The following TNIK variants were observed in gnomAD, a reference collection of about 807,000 sequenced individuals.
TNIK encodes the protein TRAF2 and NCK-interacting protein kinase.
In TNIK, 49 loss-of-function variants were observed where a neutral mutation model predicts 191.3. The ratio of observed to expected loss-of-function variants is 0.26; its 90% CI spans 0.20 to 0.32. The LOEUF (loss-of-function observed/expected upper bound fraction) is 0.32, where lower values mean the gene tolerates loss of function less well. Among genes scored for constraint, TNIK ranks in the 10% least tolerant of loss-of-function variants. The probability of loss-of-function intolerance (pLI) is 1.00; values close to 1 mark genes in which losing one functional copy is unlikely to be tolerated. For synonymous variants in TNIK, 594 were observed against 600.9 expected (o/e 0.99, Z 0.17); for missense variants, 1,155 against 1,702.3 (o/e 0.68, Z 5.66).
At chr3:171,410,786 A>G (rs1206758085) in intron 1 of TNIK, among the ~76,000 whole-genome samples, 1 of 150,530 alleles carries the variant, frequency 6.6e-6, no homozygotes, top group Non-Finnish European at 1.5e-5. Context: ...CTCAAAAAAA[A>G]AAAAAAAAAA....
intron 1 of TNIK, among the ~76,000 whole-genome samples, chr3:171,430,457 T>C (rs113509079): frequency 2.0e-5 from 3 of 151,538 alleles, no homozygotes; most frequent in African/African-American, 4.8e-5. Context: ...CTGGGCAACA[T>C]AGGGAGGGTC....
At chr3:171,459,561 T>TAA (rs1185920725) in intron 1 of TNIK, among the ~76,000 whole-genome samples, 1 of 152,102 alleles carries the variant, frequency 6.6e-6, no homozygotes, top group Admixed American at 6.5e-5. Flanking sequence ...CAATGTCATC[T>TAA]TGCAGGTAGC....
At chr3:171,240,551 T>C (rs1436633903) in intron 2 of TNIK, among the ~76,000 whole-genome samples, 3 of 151,960 alleles carry the variant, frequency 2.0e-5, no homozygotes, top group African/African-American at 7.3e-5. Flanking sequence ...CTTCTCCTAC[T>C]ATTCCCCCCC....
intron 31 of TNIK, 53 bp downstream of exon 31, chr3:171,066,523 C>G: frequency 7.5e-7 from 1 of 1,338,864 alleles, no homozygotes; most frequent in East Asian, 2.7e-5. Flanking sequence ...TCTTGATTTT[C>G]GTTTCATTTG....
At chr3:171,212,180 C>T (rs1339035510) in intron 3 of TNIK, among the ~76,000 whole-genome samples, 1 of 152,074 alleles carries the variant, frequency 6.6e-6, no homozygotes, top group Non-Finnish European at 1.5e-5. Context: ...TGTCTGTACC[C>T]TCCTCCACTC....
At chr3:171,231,458 T>C (rs1743633184) in intron 2 of TNIK, among the ~76,000 whole-genome samples, 1 of 152,010 alleles carries the variant, frequency 6.6e-6, no homozygotes. Flanking sequence ...AACTGAAAAA[T>C]ACACCTTGGG....
intron 18 of TNIK, 122 bp from the exon 19 acceptor site, chr3:171,110,999 A>G (rs1725770349): frequency 2.0e-6 from 2 of 978,584 alleles, no homozygotes; most frequent in Admixed American, 6.9e-5. Flanking sequence ...CAATAGCAAG[A>G]AAACGAATAA....
chr3:171,272,443 G>A (rs565266945), intron 2 of TNIK, among the ~76,000 whole-genome samples: 3 of 152,310 alleles, frequency 2.0e-5, no homozygotes, highest in South Asian at 4.2e-4. Context: ...CGTACACATC[G>A]AGACAGTTGG....
chr3:171,282,334 G>GGTTTTTTT (rs1553878294), intron 2 of TNIK, among the ~76,000 whole-genome samples: 8 of 114,524 alleles, frequency 7.0e-5, no homozygotes, highest in African/African-American at 2.8e-4. Context: ...TCTCTTAATG[G>GGTTTTTTT]TTTTTTGTTT....
At position 171,107,508 on chromosome 3, in the gene TNIK, T is replaced by C. The variant is rs185170848; in HGVS notation, c.2383-302A>G. The stretch of plus-strand genomic sequence containing the variant: ...TTCATCCCAAATTAATTTTCAACTT[T>C]CAAATTTTAGCCTCCATACTCCTCT... On this transcript the variant is annotated intron_variant, in intron 20 of 32. Coordinates refer to ENST00000436636, the MANE Select transcript of TNIK (RefSeq NM_015028.4). 4.8e-3 allele frequency among the ~76,000 whole-genome samples: 730 copies of C among 152,298 alleles called. 6 individuals are homozygous for C. Among genetic ancestry groups the C allele is most frequent in the Non-Finnish European group, 7.8e-3 (529 of 68,024 alleles).
At chr3:171,393,042 CT>C (rs1188970959) in intron 1 of TNIK, among the ~76,000 whole-genome samples, 1 of 152,158 alleles carries the variant, frequency 6.6e-6, no homozygotes, top group Non-Finnish European at 1.5e-5. Flanking sequence ...AAAGGGCCCA[CT>C]TTTTCAGTAT....
intron 2 of TNIK, among the ~76,000 whole-genome samples, chr3:171,266,095 A>T (rs1254071127): frequency 6.6e-6 from 1 of 152,216 alleles, no homozygotes. Context: ...GAGGAAAAAA[A>T]GGAGGGAAAG....
chr3:171,067,672 CAAAAAAAAAAA>C (rs750331814), intron 30 of TNIK, among the ~76,000 whole-genome samples: 11 of 78,728 alleles, frequency 1.4e-4, no homozygotes, highest in African/African-American at 4.4e-4. Context: ...ACTCCGTATC[CAAAAAAAAAAA>C]AAAAAAAATC....
chr3:171,130,919 T>C (rs1187344458), intron 15 of TNIK, among the ~76,000 whole-genome samples: 1 of 152,054 alleles, frequency 6.6e-6, no homozygotes, highest in Non-Finnish European at 1.5e-5. Flanking sequence ...TTAAAAACAA[T>C]AGTAGAAAAG....
At chr3:171,432,324 G>C (rs1725485057) in intron 1 of TNIK, among the ~76,000 whole-genome samples, 1 of 152,128 alleles carries the variant, frequency 6.6e-6, no homozygotes, top group South Asian at 2.1e-4. Flanking sequence ...GGAACATACA[G>C]CACAGAGATC....
At chr3:171,276,394 G>T (rs74552294) in intron 2 of TNIK, among the ~76,000 whole-genome samples, 2 of 152,088 alleles carry the variant, frequency 1.3e-5, no homozygotes, top group East Asian at 3.9e-4. Context: ...TGTGGAGGAG[G>T]GGCTGGGAAA....
At chr3:171,128,966 G>T (rs1728882799) in intron 15 of TNIK, 88 bp from the exon 16 acceptor site, 4 of 1,436,092 alleles carry the variant, frequency 2.8e-6, no homozygotes, top group Admixed American at 2.8e-5. Context: ...GTAGTCACCT[G>T]CACAGCCATT....
chr3:171,408,177 C>G (rs553402530), intron 1 of TNIK, among the ~76,000 whole-genome samples: 1 of 152,100 alleles, frequency 6.6e-6, no homozygotes, highest in African/African-American at 2.4e-5. Flanking sequence ...TGTTCTGTAC[C>G]TTGTATAGAT....
chr3:171,349,183 T>C (rs958185451), intron 2 of TNIK, among the ~76,000 whole-genome samples: 5 of 152,120 alleles, frequency 3.3e-5, no homozygotes, highest in Non-Finnish European at 4.4e-5. Context: ...CAGTAAAACA[T>C]GACCAGAACT....
Sources: gnomAD v4.1 joint callset for allele counts (sites outside exome capture counted in the v4.1 genomes callset) on GRCh38, gnomAD v4.1.1 for gene constraint, MANE v1.5 for transcripts, NCBI Gene and HGNC (gene_info 2026-07-23, HGNC 2026-07-21) for gene names.